FLRT1: variants seen among roughly 807,000 people sequenced by gnomAD.
FLRT1 encodes the protein leucine-rich repeat transmembrane protein FLRT1.
FLRT1 carries 14 observed loss-of-function variants against 30.9 expected under a neutral mutation model. The observed-to-expected ratio is 0.45, with a 90% CI of 0.30 to 0.71. FLRT1 has a LOEUF of 0.71. FLRT1 is among the 30% of genes least tolerant of loss of function. The pLI is 0.08. For synonymous variants in FLRT1, 368 were observed against 430.4 expected (o/e 0.85, Z 1.80); for missense variants, 737 against 949.2 (o/e 0.78, Z 2.94).
chr11:64,040,595 A>G (rs975300225), intron 1 of FLRT1, among the ~76,000 whole-genome samples: 1 of 152,110 alleles, frequency 6.6e-6, no homozygotes, highest in Non-Finnish European at 1.5e-5. Flanking sequence ...TTTTCCCGAG[A>G]GCTGTGTGTT....
chr11:64,075,932 C>T (rs1019524522), intron 1 of FLRT1, among the ~76,000 whole-genome samples: 1 of 152,242 alleles, frequency 6.6e-6, no homozygotes, highest in Non-Finnish European at 1.5e-5. Context: ...CCTCGGCTTC[C>T]CAAAGTGTTG....
chr11:64,065,592 A>G (rs1305899245), intron 1 of FLRT1, among the ~76,000 whole-genome samples: 9 of 151,374 alleles, frequency 5.9e-5, no homozygotes, highest in Non-Finnish European at 1.2e-4. Flanking sequence ...GATCAAGACC[A>G]TCCTGGCTAA....
intron 1 of FLRT1, among the ~76,000 whole-genome samples, chr11:64,056,722 G>T (rs1046094616): frequency 3.9e-5 from 6 of 152,214 alleles, no homozygotes; most frequent in Non-Finnish European, 5.9e-5. Context: ...CAGAGAACCC[G>T]GCAGGGGTGT....
chr11:64,062,226 C>T (rs1255890479), intron 1 of FLRT1, among the ~76,000 whole-genome samples: 1 of 152,120 alleles, frequency 6.6e-6, no homozygotes, highest in East Asian at 1.9e-4. Context: ...CTCCCCTTTG[C>T]TTCTTGGAGT....
At chr11:64,080,108 G>A (rs144809448) in intron 1 of FLRT1, among the ~76,000 whole-genome samples, 2,271 of 152,278 alleles carry the variant, frequency 0.015, 47 homozygotes, top group African/African-American at 0.051. Context: ...CGCCTCCCAG[G>A]TTCAAGCGAT....
chr11:64,059,728 C>T (rs1183554185), intron 1 of FLRT1, among the ~76,000 whole-genome samples: 2 of 152,250 alleles, frequency 1.3e-5, no homozygotes, highest in African/African-American at 4.8e-5. Flanking sequence ...CTACTCCCAG[C>T]TGAGGCAAAC....
chr11:64,115,413 G>A (rs140471226), intron 2 of FLRT1, among the ~76,000 whole-genome samples: 54 of 150,888 alleles, frequency 3.6e-4, no homozygotes, highest in African/African-American at 1.2e-3. Flanking sequence ...GAAAGTTTAT[G>A]ATTTGAGAAA....
chr11:64,095,218 T>C (rs889633177), intron 1 of FLRT1, among the ~76,000 whole-genome samples: 3 of 152,172 alleles, frequency 2.0e-5, no homozygotes, highest in African/African-American at 4.8e-5. Flanking sequence ...TCTCTCTTTT[T>C]CCCCCATTCC....
At chr11:64,055,935 G>A (rs937374325) in intron 1 of FLRT1, among the ~76,000 whole-genome samples, 2 of 152,184 alleles carry the variant, frequency 1.3e-5, no homozygotes, top group South Asian at 4.1e-4. Context: ...CATGCTGCCT[G>A]CAGCCGACAG....
intron 1 of FLRT1, among the ~76,000 whole-genome samples, chr11:64,070,166 G>A (rs906930716): frequency 6.6e-6 from 1 of 152,316 alleles, no homozygotes; most frequent in South Asian, 2.1e-4. Flanking sequence ...CAGGTCGTGT[G>A]CTCAGGGTCA....
chr11:64,099,343 G>A lies in FLRT1; in HGVS notation c.-1037-3851G>A, dbSNP rs1462654738. On this transcript the variant is annotated intron_variant, in intron 1 of 2. Coordinates refer to ENST00000682287, the MANE Select transcript of FLRT1 (RefSeq NM_013280.5). ...CCCACTGGACTGTGAGCTCCTGGAG[G>A]ATGAGGGCATCTCTTTGGATCCCCA... Among the ~76,000 whole-genome samples, 10 of 152,394 alleles carry A rather than the reference G, an allele frequency of 6.6e-5. No individual in the cohort carries two copies. The East Asian group carries it at 1.9e-3, about 29-fold the overall frequency.
Position 64,035,991 on chromosome 11 carries a change from C to T in FLRT1, c.-1206C>T, listed in dbSNP as rs1461611664. 2 of 150,420 alleles carry T rather than the reference C, an allele frequency of 1.3e-5. No individual in the cohort carries two copies. The highest frequency in any genetic ancestry group is 3.0e-5 in the Non-Finnish European group (2 of 67,472). 9.3% of individuals were successfully genotyped at this position (150,420 alleles called of 1,614,324 possible). On this transcript the variant is annotated 5_prime_UTR_variant, in exon 1 of 3. Transcript: ENST00000682287. The stretch of plus-strand genomic sequence containing the variant: ...GGGCAGATGCGCCGCCGCGCGCCCC[C>T]CGCTCCGGGCCCGCCACCGTGCTCT...
At chr11:64,093,654 C>T (rs1234127973) in intron 1 of FLRT1, among the ~76,000 whole-genome samples, 1 of 152,256 alleles carries the variant, frequency 6.6e-6, no homozygotes, top group East Asian at 1.9e-4. Flanking sequence ...AGACTGCCCT[C>T]TTCCCTGGAC....
intron 1 of FLRT1, among the ~76,000 whole-genome samples, chr11:64,046,938 G>C (rs1268251613): frequency 6.6e-6 from 1 of 152,200 alleles, no homozygotes; most frequent in Non-Finnish European, 1.5e-5. Context: ...CTAGCTCTGA[G>C]ACCATCAGTG....
At chr11:64,042,310 G>T (rs145598425) in intron 1 of FLRT1, among the ~76,000 whole-genome samples, 1 of 152,072 alleles carries the variant, frequency 6.6e-6, no homozygotes, top group Non-Finnish European at 1.5e-5. Context: ...CCACGAGGAA[G>T]GGGCTGGAGT....
chr11:64,111,805 A>G (rs776188817), intron 2 of FLRT1, among the ~76,000 whole-genome samples: 3 of 152,184 alleles, frequency 2.0e-5, no homozygotes, highest in South Asian at 2.1e-4. Flanking sequence ...CCAGTCCCCA[A>G]TGTAATGAAA....
chr11:64,094,521 A>T (rs944950501), intron 1 of FLRT1, among the ~76,000 whole-genome samples: 1 of 151,906 alleles, frequency 6.6e-6, no homozygotes, highest in Non-Finnish European at 1.5e-5. Context: ...AACAGTTGTC[A>T]GTTAGAAATG....
chr11:64,087,043 C>G (rs867738067), intron 1 of FLRT1: 6 of 152,168 alleles, frequency 3.9e-5, no homozygotes. Context: ...CCACAGTGAC[C>G]GACACCCCCT....
In FLRT1 at chr11:64,050,447, C is replaced by G. The variant is rs563157346; in HGVS notation, c.-1038+14288C>G. Among the ~76,000 whole-genome samples the G allele has an allele frequency of 7.2e-5, 11 of 152,238 alleles. 1 individual carries two copies. The South Asian group carries it at 1.9e-3, about 26-fold the overall frequency. ...TGTGACAGTGGTGGGGACCCAGATG[C>G]CCGGGCACTGCTTCCACTCTGCCCC... On this transcript the variant is annotated intron_variant, in intron 1 of 2. Coordinates refer to ENST00000682287, the MANE Select transcript of FLRT1 (RefSeq NM_013280.5).
Sources: gnomAD v4.1 joint callset for allele counts (sites outside exome capture counted in the v4.1 genomes callset) on GRCh38, gnomAD v4.1.1 for gene constraint, MANE v1.5 for transcripts, NCBI Gene and HGNC (gene_info 2026-07-23, HGNC 2026-07-21) for gene names.